LRRC9: variants seen among roughly 807,000 people sequenced by gnomAD.
LRRC9 encodes the protein leucine-rich repeat-containing protein 9.
A neutral mutation model predicts 63.2 loss-of-function variants in LRRC9; 122 were observed. The ratio of observed to expected loss-of-function variants is 1.93; its 90% CI spans 1.67 to 2.24. The LOEUF (loss-of-function observed/expected upper bound fraction) is 2.24. Among genes scored for constraint, LRRC9 ranks in the 30% most tolerant of loss-of-function variants. LRRC9 has a pLI of 0.00. For missense variants in LRRC9, 1,071 were observed against 627.7 expected, an observed-to-expected ratio of 1.71 and a Z score of -7.55; for synonymous variants, 366 against 213.1, an observed-to-expected ratio of 1.72 and a Z score of -6.25.
At chr14:60,065,157 A>AAG (rs1469121237), downstream of LRRC9, among the ~76,000 whole-genome samples, 3 of 151,918 alleles carry the variant, frequency 2.0e-5, no homozygotes, top group Non-Finnish European at 4.4e-5. Context: ...CAAGGCAGGC[A>AAG]GATCACAAGG....
chr14:59,957,829 A>T (rs547138610), intron 8 of LRRC9, among the ~76,000 whole-genome samples: 22 of 152,056 alleles, frequency 1.4e-4, no homozygotes, highest in Middle Eastern at 3.4e-3. Context: ...GGGGTCCTTT[A>T]TGTTCATCTT....
chr14:60,043,756 C>CTTTTTTTTTTTTTTTT (rs368065898), intron 29 of LRRC9, among the ~76,000 whole-genome samples: 112 of 71,506 alleles, frequency 1.6e-3, no homozygotes, highest in East Asian at 2.3e-3. Context: ...TTTTCTTTTC[C>CTTTTTTTTTTTTTTTT]TTTTTTTTTT....
rs946962089 is a variant in LRRC9, at chr14:60,051,378, G to A, written c.3991-1687G>A. Among the ~76,000 whole-genome samples, 1 of 152,330 alleles carries A rather than the reference G, an allele frequency of 6.6e-6. No homozygotes were observed. The highest frequency in any genetic ancestry group is 2.1e-4 in the South Asian group (1 of 4,830). ...CTGAGCATGATCTTGCAAAGCAGGT[G>A]TGTTGCAGTTAGGGGGAACCCTCCT... On this transcript the variant is annotated intron_variant, in intron 29 of 31. Transcript: ENST00000445360. This position sits in a 1 kb window ranked among gnomAD's most constrained non-coding sequence, Gnocchi z 4.7.
At position 59,938,557 on chromosome 14, in the gene LRRC9, C is replaced by T; in HGVS notation, c.711C>T (p.Ile237=). 1.4e-6 allele frequency: 1 copy of T among 692,192 alleles called. No individual in the cohort carries two copies. Among genetic ancestry groups the T allele is most frequent in the Non-Finnish European group, 2.6e-6 (1 of 380,482 alleles). The allele number at this position is 692,192 out of a possible 1,614,324, so 42.9% of individuals were successfully genotyped here. ...CATTGGATGTGTCAGCAAAGCAAAT[C>T]AAGGAACTGGCAGATGTAAGTACAT... Residue 237 remains isoleucine (I), a synonymous_variant, in exon 7 of 32, where the codon ATC becomes ATT. Coordinates refer to ENST00000445360, the Ensembl canonical transcript of LRRC9. This position sits in a 1 kb window ranked among gnomAD's most constrained non-coding sequence, Gnocchi z 4.2.
Position 59,986,428 on chromosome 14 carries a change from T to C in LRRC9, c.2211+1204T>C, listed in dbSNP as rs754260906. 1.3e-5 allele frequency among the ~76,000 whole-genome samples: 2 copies of C among 152,196 alleles called. No individual in the cohort carries two copies. Among genetic ancestry groups the C allele is most frequent in the African/African-American group, 4.8e-5 (2 of 41,458 alleles). On this transcript the variant is annotated intron_variant, in intron 17 of 31. Transcript: ENST00000445360. This position sits in a 1 kb window ranked among gnomAD's most constrained non-coding sequence, Gnocchi z 4.7. Reference sequence around the variant, plus strand: ...TAATGGGAGCTGTTTCTTTTACTTATTGGCATTAGGTTTAGATTTAGTGTT... The same window carrying C: ...TAATGGGAGCTGTTTCTTTTACTTACTGGCATTAGGTTTAGATTTAGTGTT...
intron 23 of LRRC9, among the ~76,000 whole-genome samples, chr14:60,010,102 GT>G (rs1890139178): frequency 6.6e-6 from 1 of 152,170 alleles, no homozygotes; most frequent in South Asian, 2.1e-4. Context: ...AAAGACAGTG[GT>G]CCCCCCCTCA....
At chr14:59,956,460 C>T (rs1013888718) in intron 8 of LRRC9, among the ~76,000 whole-genome samples, 4 of 152,052 alleles carry the variant, frequency 2.6e-5, no homozygotes, top group Non-Finnish European at 5.9e-5. Flanking sequence ...GATTGCAAAT[C>T]CTGCTTCTTT....
intron 13 of LRRC9, 105 bp from the exon 14 acceptor site, chr14:59,977,118 GCC>G (rs1886377069): frequency 1.7e-6 from 1 of 580,602 alleles, no homozygotes; most frequent in South Asian, 2.3e-5. Flanking sequence ...CAGCATCTCT[GCC>G]TTTACAGAAC....
At chr14:59,944,448 C>A in intron 7 of LRRC9, 141 bp from the exon 8 acceptor site, 1 of 402,434 alleles carries the variant, frequency 2.5e-6, no homozygotes, top group Non-Finnish European at 4.4e-6. Flanking sequence ...CATTGTCACT[C>A]CAGCTGTCAT....
intron 30 of LRRC9, among the ~76,000 whole-genome samples, chr14:60,055,660 A>T (rs1405433216): frequency 6.6e-6 from 1 of 150,736 alleles, no homozygotes; most frequent in Non-Finnish European, 1.5e-5. Context: ...TGGGAAGCTG[A>T]GGCAGGTGGA....
At chr14:59,967,842 T>C (rs1364578867) in intron 12 of LRRC9, among the ~76,000 whole-genome samples, 3 of 152,216 alleles carry the variant, frequency 2.0e-5, no homozygotes, top group African/African-American at 7.2e-5. Context: ...ACCAGCTATG[T>C]GACTTCACCT....
chr14:60,021,461 T>C (rs1482636734), intron 26 of LRRC9, among the ~76,000 whole-genome samples: 1 of 151,928 alleles, frequency 6.6e-6, no homozygotes, highest in East Asian at 1.9e-4. Context: ...TTTTCTTAAA[T>C]GATGTCTTTG....
chr14:60,038,752 C>G (rs1183046813), intron 29 of LRRC9, among the ~76,000 whole-genome samples: 1 of 152,172 alleles, frequency 6.6e-6, no homozygotes, highest in East Asian at 1.9e-4. Context: ...ACTGAATACG[C>G]TTTATTTCTT....
At chr14:59,984,838 A>G (rs931688065) in intron 16 of LRRC9, among the ~76,000 whole-genome samples, 1 of 152,220 alleles carries the variant, frequency 6.6e-6, no homozygotes, top group Non-Finnish European at 1.5e-5. Flanking sequence ...TTTCACGCCA[A>G]TTGCTGACAA....
At chr14:60,055,481 A>G (rs1270491500) in intron 30 of LRRC9, among the ~76,000 whole-genome samples, 1 of 152,224 alleles carries the variant, frequency 6.6e-6, no homozygotes, top group Non-Finnish European at 1.5e-5. Context: ...CACCTGTATT[A>G]GTTTCATATT....
chr14:60,021,067 A>C (rs115393045), intron 26 of LRRC9, among the ~76,000 whole-genome samples: 3,261 of 152,018 alleles, frequency 0.021, 115 homozygotes, highest in African/African-American at 0.075. Context: ...AGAAACCGCT[A>C]AACTGTTTTC....
exon 6 of LRRC9, chr14:59,931,977 C>A (rs1314329596): frequency 1.4e-6 from 1 of 700,090 alleles, no homozygotes; most frequent in South Asian, 1.5e-5. Context: ...AGGTCGATGT[C>A]TTGACTCCAA....
At chr14:60,005,815 T>C (rs951534347) in intron 21 of LRRC9, among the ~76,000 whole-genome samples, 1 of 152,100 alleles carries the variant, frequency 6.6e-6, no homozygotes, top group African/African-American at 2.4e-5. Flanking sequence ...ATTCCGAAGT[T>C]CTTGTCTTTC....
intron 17 of LRRC9, among the ~76,000 whole-genome samples, chr14:59,992,022 G>A (rs551569526): frequency 6.6e-6 from 1 of 152,240 alleles, no homozygotes; most frequent in East Asian, 1.9e-4. Context: ...TCCTCAAGTG[G>A]GTCCCTGACC....
Sources: gnomAD v4.1 joint callset for allele counts (sites outside exome capture counted in the v4.1 genomes callset) on GRCh38, gnomAD v4.1.1 for gene constraint, Gnocchi (gnomAD v3.1) non-coding constraint, MANE v1.5 for transcripts, NCBI Gene and HGNC (gene_info 2026-07-23, HGNC 2026-07-21) for gene names.